The following CNTN5 variants were observed in gnomAD, a reference collection of about 807,000 sequenced individuals.
The protein encoded by CNTN5 is contactin-5.
CNTN5 carries 77 observed loss-of-function variants against 129.1 expected under a neutral mutation model. The ratio of observed to expected loss-of-function variants is 0.60; its 90% CI spans 0.50 to 0.72. The LOEUF (loss-of-function observed/expected upper bound fraction) is 0.72. Ranked by LOEUF, CNTN5 falls within the 30% of genes least tolerant of loss-of-function variation. The pLI is 0.00. For synonymous variants in CNTN5, 509 were observed against 465.6 expected, an observed-to-expected ratio of 1.09 and a Z score of -1.20; for missense variants, 1,478 against 1,328.8, an observed-to-expected ratio of 1.11 and a Z score of -1.75.
At chr11:100,015,867 T>C (rs1320764044) in intron 9 of CNTN5, among the ~76,000 whole-genome samples, 2 of 152,142 alleles carry the variant, frequency 1.3e-5, no homozygotes, top group Non-Finnish European at 2.9e-5. Context: ...GTTAGGCACA[T>C]ACTTATAGTT....
At chr11:99,991,360 G>C (rs145478141) in intron 8 of CNTN5, among the ~76,000 whole-genome samples, 4 of 152,034 alleles carry the variant, frequency 2.6e-5, no homozygotes, top group Admixed American at 1.3e-4. Flanking sequence ...CCAGCTACTC[G>C]GGAGGCTGAG....
chr11:99,472,259 G>A (rs1233372100), intron 2 of CNTN5, among the ~76,000 whole-genome samples: 1 of 152,114 alleles, frequency 6.6e-6, no homozygotes, highest in Non-Finnish European at 1.5e-5. Flanking sequence ...TCATTTTCCA[G>A]GAATGAAGAT....
At chr11:99,537,187 C>A (rs1034563701) in intron 2 of CNTN5, among the ~76,000 whole-genome samples, 1 of 152,128 alleles carries the variant, frequency 6.6e-6, no homozygotes, top group African/African-American at 2.4e-5. Flanking sequence ...AGCATGAGCT[C>A]TTAAATGCAA....
intron 7 of CNTN5, among the ~76,000 whole-genome samples, chr11:99,940,085 G>A (rs1950401660): frequency 6.6e-6 from 1 of 152,074 alleles, no homozygotes; most frequent in South Asian, 2.1e-4. Flanking sequence ...AGGAGCAGGG[G>A]GAGGAGCAGC....
At chr11:99,054,275 GAGA>G (rs1864543669) in intron 1 of CNTN5, among the ~76,000 whole-genome samples, 1 of 151,702 alleles carries the variant, frequency 6.6e-6, no homozygotes, top group Admixed American at 6.6e-5. Context: ...GCTGTTTGAA[GAGA>G]AGATTTCTCT....
At chr11:99,911,508 C>T (rs1949658128) in intron 6 of CNTN5, among the ~76,000 whole-genome samples, 1 of 151,902 alleles carries the variant, frequency 6.6e-6, no homozygotes, top group South Asian at 2.1e-4. Context: ...GCCTTTTCCT[C>T]ACTCCTCCCC....
At chr11:99,456,406 A>G (rs1265514898) in intron 2 of CNTN5, among the ~76,000 whole-genome samples, 1 of 152,140 alleles carries the variant, frequency 6.6e-6, no homozygotes, top group Non-Finnish European at 1.5e-5. Flanking sequence ...ATGAATGTTA[A>G]ATATCGAAAA....
intron 2 of CNTN5, among the ~76,000 whole-genome samples, chr11:99,525,920 GA>G (rs1366994242): frequency 6.6e-6 from 1 of 152,172 alleles, no homozygotes; most frequent in Non-Finnish European, 1.5e-5. Flanking sequence ...ACACTGACAT[GA>G]GATAAATTAA....
intron 15 of CNTN5, among the ~76,000 whole-genome samples, chr11:100,220,062 G>A (rs927349439): frequency 6.6e-6 from 1 of 152,086 alleles, no homozygotes; most frequent in Admixed American, 6.5e-5. Flanking sequence ...TGGATCATGA[G>A]GTCGAGAGAT....
chr11:100,154,508 A>G (rs907479417), intron 13 of CNTN5, among the ~76,000 whole-genome samples: 1 of 152,064 alleles, frequency 6.6e-6, no homozygotes, highest in Non-Finnish European at 1.5e-5. Context: ...TTTATAGTAG[A>G]ATGTGTTATA....
chr11:99,843,227 A>G (rs941610697), intron 4 of CNTN5, among the ~76,000 whole-genome samples: 2 of 152,190 alleles, frequency 1.3e-5, no homozygotes, highest in Admixed American at 1.3e-4. Flanking sequence ...CTCAAAAACA[A>G]ACAAACAAAA....
intron 2 of CNTN5, among the ~76,000 whole-genome samples, chr11:99,394,509 A>G (rs766511447): frequency 6.6e-5 from 10 of 150,758 alleles, no homozygotes; most frequent in Non-Finnish European, 1.5e-4. Context: ...CTATTATATA[A>G]TTTTCTTTTT....
intron 13 of CNTN5, among the ~76,000 whole-genome samples, chr11:100,113,474 GAAAGAA>G (rs1945731849): frequency 1.7e-5 from 1 of 57,596 alleles, no homozygotes; most frequent in Non-Finnish European, 3.7e-5. Context: ...AAAAGAAAAA[GAAAGAA>G]AAAGAAAAAA....
intron 1 of CNTN5, among the ~76,000 whole-genome samples, chr11:99,230,898 T>C (rs1860960319): frequency 6.6e-6 from 1 of 152,110 alleles, no homozygotes; most frequent in Non-Finnish European, 1.5e-5. Context: ...AGTGAAAACG[T>C]GTGGTGTTTG....
intron 16 of CNTN5, among the ~76,000 whole-genome samples, chr11:100,226,000 G>T (rs1394010280): frequency 6.6e-6 from 1 of 152,018 alleles, no homozygotes; most frequent in Non-Finnish European, 1.5e-5. Context: ...GTGTGTTATT[G>T]GGTGATTGGT....
intron 3 of CNTN5, among the ~76,000 whole-genome samples, chr11:99,631,596 C>G (rs936929223): frequency 6.6e-6 from 1 of 151,786 alleles, no homozygotes; most frequent in African/African-American, 2.4e-5. Flanking sequence ...TGTTACATTG[C>G]TAAGCAGTAG....
chr11:99,616,909 G>A (rs1260614318), intron 3 of CNTN5, among the ~76,000 whole-genome samples: 2 of 152,176 alleles, frequency 1.3e-5, no homozygotes, highest in East Asian at 1.9e-4. Context: ...TCAGGAGTTC[G>A]AGACCAGCCT....
intron 6 of CNTN5, among the ~76,000 whole-genome samples, chr11:99,860,010 GT>G (rs1199011438): frequency 2.0e-5 from 3 of 152,036 alleles, no homozygotes; most frequent in Admixed American, 6.5e-5. Context: ...AACATCTGTT[GT>G]TTTTGATATT....
At chr11:100,087,365 A>G (rs575370743) in intron 13 of CNTN5, among the ~76,000 whole-genome samples, 1 of 151,976 alleles carries the variant, frequency 6.6e-6, no homozygotes, top group East Asian at 1.9e-4. Context: ...AAAAAACTCA[A>G]GGTGTAAATG....
Sources: gnomAD v4.1 joint callset for allele counts (sites outside exome capture counted in the v4.1 genomes callset) on GRCh38, gnomAD v4.1.1 for gene constraint, MANE v1.5 for transcripts, NCBI Gene and HGNC (gene_info 2026-07-23, HGNC 2026-07-21) for gene names.